HERC2: variants seen among roughly 807,000 people sequenced by gnomAD.
The protein encoded by HERC2 is E3 ubiquitin-protein ligase HERC2.
HERC2 carries 102 observed loss-of-function variants against 537.7 expected under a neutral mutation model. That is an observed-to-expected ratio of 0.19 (90% CI 0.16 to 0.22). HERC2 has a LOEUF of 0.22. Ranked by LOEUF, HERC2 falls within the 10% of genes least tolerant of loss-of-function variation. The pLI, the probability that HERC2 is intolerant of heterozygous loss-of-function variation, is 1.00. For synonymous variants in HERC2, 2,224 were observed against 2,466.2 expected (o/e 0.90, Z 2.91); for missense variants, 4,236 against 6,198.2 (o/e 0.68, Z 10.63).
At chr15:28,238,321 T>G (rs1902675410) in intron 24 of HERC2, 104 bp from the exon 25 acceptor site, 2 of 928,888 alleles carry the variant, frequency 2.2e-6, no homozygotes, top group African/African-American at 3.2e-5. Flanking sequence ...AACTCAAAAG[T>G]GAGGGTTACC....
rs28548731 is a variant in HERC2 at position 28,115,463 on chromosome 15, G to T, written c.13688C>A (p.Ala4563Asp). 6.2e-7 allele frequency: 1 copy of T among 1,614,008 alleles called. No homozygotes were observed. The highest frequency in any genetic ancestry group is 1.7e-5 in the Admixed American group (1 of 60,018). The change falls in exon 89 of 93, where the codon GCT becomes GAT. Residue 4563 changes from alanine to aspartate, a missense_variant. Physicochemically the swap from Ala to Asp is moderately radical, Grantham distance 126. Around this residue, in one of 27 missense-constraint regions of HERC2, gnomAD observed 313 missense variants for 462.6 expected, o/e 0.68. Coordinates refer to ENST00000261609, the MANE Select transcript of HERC2 (RefSeq NM_004667.6). ...GTCCGCGATGGTGAGGCTCATCCCA[G>T]CCAGCTGCTTCCAGACAGGCTCGGC... ...NLAEPVWKQL[A>D]GMSLTIADLS... is the part of the protein sequence containing the mutation.
intron 3 of HERC2, among the ~76,000 whole-genome samples, chr15:28,298,036 T>TGTGTGA (rs534030524): frequency 1.1e-4 from 14 of 131,650 alleles, no homozygotes; most frequent in South Asian, 5.2e-4. Context: ...TGTGTGTGTG[T>TGTGTGA]GTGAATATTT....
chr15:28,152,666 A>G lies in HERC2; in HGVS notation c.10900+11T>C, dbSNP rs7165158. The G allele has an allele frequency of 0.098, 150,866 of 1,536,280 alleles. 19,017 individuals are homozygous for G. Among genetic ancestry groups the G allele is most frequent in the African/African-American group, 0.51 (36,762 of 72,756 alleles). On this transcript the variant is annotated intron_variant, in intron 70 of 92. Coordinates refer to ENST00000261609, the MANE Select transcript of HERC2 (RefSeq NM_004667.6). ...AAGGCTGCAGCTCCCCGCTGGGGCC[A>G]GCCCCTGTACCTGGTATCTTCACTG... is the stretch of plus-strand genomic sequence containing the variant.
Position 28,248,642 on chromosome 15 carries a change from C to A in HERC2, c.3145G>T (p.Ala1049Ser), listed in dbSNP as rs770701507. Residue 1049 changes from alanine (A) to serine (S), a missense_variant, in exon 21 of 93, where the codon GCT becomes TCT. Around this residue, in one of 27 missense-constraint regions of HERC2, gnomAD observed 754 missense variants for 1,085.0 expected, o/e 0.69. Transcript: ENST00000261609. The stretch of plus-strand genomic sequence containing the variant: ...AAACGCAGTAACAAATCCAATGAAG[C>A]AGATCTTTCACGACTGTGTTGCTCA... ...DFEQHSRERS[A>S]SLDLLLRFQR... 20 of 1,613,796 alleles carry A rather than the reference C, an allele frequency of 1.2e-5. No homozygotes were observed. Among genetic ancestry groups the A allele is most frequent in the Non-Finnish European group, 1.6e-5 (19 of 1,179,778 alleles).
chr15:28,256,435 T>A (rs2075263737), intron 17 of HERC2, 118 bp from the exon 18 acceptor site: 2 of 777,740 alleles, frequency 2.6e-6, no homozygotes, highest in Non-Finnish European at 4.0e-6. Context: ...AATTTCTCAG[T>A]TTATGTATTT....
chr15:28,315,658 G>T (rs550346765), intron 2 of HERC2: 1 of 662,102 alleles, frequency 1.5e-6, no homozygotes, highest in South Asian at 1.5e-5. Flanking sequence ...TCTGGCTCTC[G>T]GCGTTAGCGC....
chr15:28,168,426 G>C lies in HERC2; in HGVS notation c.10394C>G (p.Pro3465Arg). The C allele has an allele frequency of 6.2e-7, 1 of 1,613,516 alleles. No homozygotes were observed. The highest frequency in any genetic ancestry group is 8.5e-7 in the Non-Finnish European group (1 of 1,179,802). ...TTTTACCTCTCTCTTTTCTTGCCATGGATTTGGACTCAGTCTGTCTTCGAT... is the reference window on the plus strand; with the variant it reads ...TTTTACCTCTCTCTTTTCTTGCCATCGATTTGGACTCAGTCTGTCTTCGAT... Reference protein sequence around the residue: ...VDIEDRLSPNPWQEKREIVSS... With the variant: ...VDIEDRLSPNRWQEKREIVSS... Residue 3465 changes from proline (P) to arginine (R), a missense_variant, in exon 67 of 93, where the codon CCA becomes CGA. By Grantham distance (103) the Pro-to-Arg change is moderately radical (BLOSUM62 -2). Transcript: ENST00000261609.
intron 56 of HERC2, among the ~76,000 whole-genome samples, 166 bp from the exon 57 acceptor site, chr15:28,182,678 G>A (rs1895938336): frequency 6.6e-6 from 1 of 152,050 alleles, no homozygotes; most frequent in Non-Finnish European, 1.5e-5. Flanking sequence ...ATGTACAGGA[G>A]TAAGTCCTCT....
intron 69 of HERC2, among the ~76,000 whole-genome samples, chr15:28,157,370 G>C (rs1171842975): frequency 2.0e-5 from 3 of 152,138 alleles, no homozygotes; most frequent in Non-Finnish European, 4.4e-5. Flanking sequence ...ATTCCATCTG[G>C]TCCTGGACTT....
At chr15:28,309,528 C>T (rs1393916409) in intron 2 of HERC2, among the ~76,000 whole-genome samples, 1 of 152,180 alleles carries the variant, frequency 6.6e-6, no homozygotes. Context: ...CATCCCCCCG[C>T]ACCGTCCTGA....
At chr15:28,179,442 A>G (rs1895616438) in intron 57 of HERC2, among the ~76,000 whole-genome samples, 1 of 152,252 alleles carries the variant, frequency 6.6e-6, no homozygotes, top group Admixed American at 6.5e-5. Flanking sequence ...ACAACGTCAC[A>G]GCACAACCTA....
chr15:28,309,785 C>A (rs1231564693), intron 2 of HERC2, among the ~76,000 whole-genome samples: 3 of 152,192 alleles, frequency 2.0e-5, no homozygotes, highest in East Asian at 3.9e-4. Context: ...AGTGTAAATG[C>A]TTGTTGTTAC....
rs1489822075 is a variant in HERC2, at chr15:28,238,594, A to T, written c.3748+8T>A. On this transcript the variant is annotated splice_region_variant and intron_variant, in intron 24 of 92. Coordinates refer to ENST00000261609, the MANE Select transcript of HERC2 (RefSeq NM_004667.6). ...CTTTTAACCAGGAAATAACAAGTGT[A>T]ATCTTACCAAGAATACTATTTCCTG... The T allele has an allele frequency of 6.2e-7, 1 of 1,605,450 alleles. No homozygotes were observed. Among genetic ancestry groups the T allele is most frequent in the Non-Finnish European group, 8.5e-7 (1 of 1,174,256 alleles).
intron 3 of HERC2, chr15:28,298,478 C>T (rs1031289303): frequency 1.3e-5 from 2 of 151,734 alleles, no homozygotes; most frequent in Non-Finnish European, 2.9e-5. Flanking sequence ...AAGTGGACAC[C>T]ATCCCCATTC....
Position 28,176,498 on chromosome 15 carries a change from C to T in HERC2, c.9616G>A (p.Gly3206Arg). ...PQNIERLNGQ[G>R]VCQIECGAQF... ...GCTCCACACTCAATCTGGCACACCC[C>T]CTGTCCATTTAGTCTCTCAATGTTC... is the stretch of plus-strand genomic sequence containing the variant. The change falls in exon 63 of 93, where the codon GGG becomes AGG. Residue 3206 changes from glycine (G) to arginine (R), a missense_variant. By Grantham distance (125) the Gly-to-Arg change is moderately radical. Coordinates refer to ENST00000261609, the MANE Select transcript of HERC2 (RefSeq NM_004667.6). This position sits in a 1 kb window ranked among gnomAD's most constrained non-coding sequence, Gnocchi z 5.0. The T allele has an allele frequency of 6.2e-7, 1 of 1,614,214 alleles. No individual in the cohort carries two copies. The highest frequency in any genetic ancestry group is 8.5e-7 in the Non-Finnish European group (1 of 1,180,048).
chr15:28,130,890 C>T (rs1003900183), intron 81 of HERC2, among the ~76,000 whole-genome samples: 3 of 152,174 alleles, frequency 2.0e-5, no homozygotes, highest in African/African-American at 7.2e-5. Context: ...AATGGCCTCC[C>T]GCAACCATGC....
chr15:28,232,213 A>G (rs1901937155), intron 30 of HERC2, among the ~76,000 whole-genome samples: 1 of 152,152 alleles, frequency 6.6e-6, no homozygotes, highest in Admixed American at 6.5e-5. Context: ...ACTGGTCAAT[A>G]AGCAGGTTTG....
At chr15:28,123,291 G>A (rs537986275) in intron 85 of HERC2, among the ~76,000 whole-genome samples, 2 of 152,300 alleles carry the variant, frequency 1.3e-5, no homozygotes, top group African/African-American at 4.8e-5. Flanking sequence ...CTAAGAATGG[G>A]CCATAATATT....
intron 81 of HERC2, 62 bp from the exon 82 acceptor site, chr15:28,130,656 C>T: frequency 9.0e-7 from 1 of 1,116,930 alleles, no homozygotes; most frequent in Non-Finnish European, 1.4e-6. Context: ...CTGCTATAAC[C>T]ACACTGAGAT....
Sources: gnomAD v4.1 joint callset for allele counts (sites outside exome capture counted in the v4.1 genomes callset) on GRCh38, gnomAD v4.1.1 for gene constraint, gnomAD v4.1.1 regional missense constraint, Gnocchi (gnomAD v3.1) non-coding constraint, MANE v1.5 for transcripts, NCBI Gene and HGNC (gene_info 2026-07-23, HGNC 2026-07-21) for gene names.